Variants in TOP3A observed in about 807,000 individuals in gnomAD.
The protein encoded by TOP3A is DNA topoisomerase III alpha.
A neutral mutation model predicts 111.3 loss-of-function variants in TOP3A; 64 were observed. The observed-to-expected ratio is 0.57, with a 90% CI of 0.47 to 0.71. TOP3A has a LOEUF of 0.71. Ranked by LOEUF, TOP3A falls within the 30% of genes least tolerant of loss-of-function variation. The pLI, the probability that TOP3A is intolerant of heterozygous loss-of-function variation, is 0.00. For missense variants in TOP3A, 1,104 were observed against 1,285.0 expected (o/e 0.86, Z 2.15); for synonymous variants, 484 against 485.1 (o/e 1.00, Z 0.03).
Position 18,314,786 on chromosome 17 carries a change from C to T in TOP3A, c.-8G>A. On this transcript the variant is annotated 5_prime_UTR_variant, in exon 1 of 19. Coordinates refer to ENST00000321105, the MANE Select transcript of TOP3A (RefSeq NM_004618.5). ...GGCGACAGGAAAGATCATCCTCAGA[C>T]CTCGCGCCCGGAGCCGCTCCCCGGC... 1 of 1,511,476 alleles carries T rather than the reference C, an allele frequency of 6.6e-7. No individual in the cohort carries two copies. Among genetic ancestry groups the T allele is most frequent in the Non-Finnish European group, 8.9e-7 (1 of 1,125,082 alleles). The allele number at this position is 1,511,476 out of a possible 1,614,324, so 93.6% of individuals were successfully genotyped here.
chr17:18,286,186 T>G (rs1980083462), intron 13 of TOP3A, among the ~76,000 whole-genome samples: 2 of 129,420 alleles, frequency 1.5e-5, no homozygotes, highest in Non-Finnish European at 3.2e-5. Flanking sequence ...GGTGATGGAG[T>G]GAGACTCTCT....
intron 8 of TOP3A, among the ~76,000 whole-genome samples, chr17:18,301,531 A>G (rs1981227539): frequency 6.6e-6 from 1 of 152,206 alleles, no homozygotes; most frequent in South Asian, 2.1e-4. Context: ...TGTGACCAAT[A>G]AAGAGGGGGC....
chr17:18,290,798 C>A, intron 12 of TOP3A, 44 bp downstream of exon 12: 3 of 1,604,672 alleles, frequency 1.9e-6, no homozygotes. Context: ...TCAGGGCTCA[C>A]AACACAACTG....
intron 3 of TOP3A, among the ~76,000 whole-genome samples, chr17:18,307,948 C>A (rs1358836460): frequency 2.1e-5 from 3 of 145,498 alleles, no homozygotes; most frequent in African/African-American, 7.7e-5. Context: ...TGGTGGCTCA[C>A]GGTCTGTAAT....
At chr17:18,306,160 C>G (rs1981566894) in intron 4 of TOP3A, among the ~76,000 whole-genome samples, 1 of 152,024 alleles carries the variant, frequency 6.6e-6, no homozygotes, top group African/African-American at 2.4e-5. Context: ...GAGATTGCAC[C>G]ATCATACTCC....
chr17:18,299,637 GA>G lies in TOP3A; in HGVS notation c.916-5del. The stretch of plus-strand genomic sequence containing the variant: ...CTACCACAGTTGCCATGGGATCCTA[GA>G]AAGCCAGGAAAGAAAAGACCATGTT... On this transcript the variant is annotated splice_region_variant and splice_polypyrimidine_tract_variant and intron_variant, in intron 8 of 18. Transcript: ENST00000321105. 1.2e-6 allele frequency: 2 copies of G among 1,613,714 alleles called. No homozygotes were observed. The highest frequency in any genetic ancestry group is 1.7e-6 in the Non-Finnish European group (2 of 1,179,676).
chr17:18,288,484 G>C (rs1037157021), intron 13 of TOP3A, among the ~76,000 whole-genome samples: 4 of 151,990 alleles, frequency 2.6e-5, no homozygotes, highest in Non-Finnish European at 5.9e-5. Flanking sequence ...TTTTTTGTAA[G>C]TGTACCTCTA....
chr17:18,275,436 T>G (rs1979291809), intron 18 of TOP3A, among the ~76,000 whole-genome samples: 1 of 140,768 alleles, frequency 7.1e-6, no homozygotes, highest in Non-Finnish European at 1.5e-5. Context: ...CTCCACTCAC[T>G]GCAAGCTCCA....
intron 17 of TOP3A, 23 bp downstream of exon 17, chr17:18,280,513 C>T (rs752299917): frequency 2.5e-6 from 4 of 1,611,174 alleles, no homozygotes; most frequent in Non-Finnish European, 1.7e-6. Flanking sequence ...AGAGGAGGCA[C>T]CTGACTCAGG....
chr17:18,296,601 C>T (rs1319589695), intron 9 of TOP3A, among the ~76,000 whole-genome samples: 2 of 152,046 alleles, frequency 1.3e-5, no homozygotes, highest in Admixed American at 6.6e-5. Flanking sequence ...AACAAACAAA[C>T]AAAATGCATA....
intron 13 of TOP3A, among the ~76,000 whole-genome samples, chr17:18,287,307 G>A (rs956494648): frequency 1.3e-5 from 2 of 152,050 alleles, no homozygotes; most frequent in African/African-American, 4.8e-5. Context: ...ACCGAGGCGG[G>A]TGGATCATTT....
At chr17:18,285,618 C>T in intron 13 of TOP3A, 98 bp from the exon 14 acceptor site, 2 of 954,334 alleles carry the variant, frequency 2.1e-6, no homozygotes, top group Non-Finnish European at 3.2e-6. Context: ...CCTCCTTTGC[C>T]TGGACAGCCT....
intron 9 of TOP3A, among the ~76,000 whole-genome samples, chr17:18,299,309 T>C (rs1981071429): frequency 6.6e-6 from 1 of 152,160 alleles, no homozygotes; most frequent in African/African-American, 2.4e-5. Flanking sequence ...TACATGACTA[T>C]AGTCCCAGCT....
intron 11 of TOP3A, among the ~76,000 whole-genome samples, chr17:18,291,562 T>C (rs780271520): frequency 6.6e-6 from 1 of 152,232 alleles, no homozygotes; most frequent in Admixed American, 6.5e-5. Context: ...AATATTTATG[T>C]CTACAAATGT....
chr17:18,303,851 T>C (rs1981390930), intron 5 of TOP3A, among the ~76,000 whole-genome samples: 3 of 152,136 alleles, frequency 2.0e-5, no homozygotes, highest in South Asian at 4.1e-4. Context: ...TTCTTCCCCT[T>C]TACTTTGTGT....
At position 18,272,075 on chromosome 17, in the gene TOP3A, T is replaced by A. The variant is rs531070679; in HGVS notation, c.*2727A>T. Among the ~76,000 whole-genome samples, 257 of 150,978 alleles carry A rather than the reference T, an allele frequency of 1.7e-3. No homozygotes were observed. The highest frequency in any genetic ancestry group is 3.3e-3 in the Non-Finnish European group (220 of 67,660). ...AGCGAAACTCCATCTCAAAAAAAAA[T>A]AAAAAATAAAAAATAAAAAATGGGT... On this transcript the variant is annotated 3_prime_UTR_variant, in exon 19 of 19. Coordinates refer to ENST00000321105, the MANE Select transcript of TOP3A (RefSeq NM_004618.5).
chr17:18,274,579 G>T lies in TOP3A; in HGVS notation c.*223C>A. The T allele has an allele frequency of 1.6e-6, 1 of 615,446 alleles. No homozygotes were observed. Among genetic ancestry groups the T allele is most frequent in the Non-Finnish European group, 2.5e-6 (1 of 402,196 alleles). The allele number at this position is 615,446 out of a possible 1,614,324, so 38.1% of individuals were successfully genotyped here. ...GCGTGACTTTTCAGCAGTGGCTATG[G>T]TCACTCCTGAGGCCTGGGAAGAGGG... is the stretch of plus-strand genomic sequence containing the variant. On this transcript the variant is annotated 3_prime_UTR_variant, in exon 19 of 19. Coordinates refer to ENST00000321105, the MANE Select transcript of TOP3A (RefSeq NM_004618.5).
chr17:18,313,405 G>A (rs1437829983), intron 1 of TOP3A: 1 of 152,858 alleles, frequency 6.5e-6, no homozygotes, highest in Non-Finnish European at 1.5e-5. Context: ...GATCAAAAAA[G>A]AAGCAAGTCA....
rs775361952 is a variant in TOP3A at position 18,277,754 on chromosome 17, C to A, written c.2748G>T (p.Gly916=). 5 of 1,614,208 alleles carry A rather than the reference C, an allele frequency of 3.1e-6. No individual in the cohort carries two copies. The African/African-American group carries it at 6.7e-5, about 22-fold the overall frequency. ...RTVQKDGPNK[G]RQFHTCAKPR... is the part of the protein sequence containing the mutation. ...GCTTGGCACATGTGTGGAACTGGCG[C>A]CCCTTGTTGGGTCCATCCTTCTGCA... Residue 916 remains glycine (G), a synonymous_variant, in exon 18 of 19, where the codon GGG becomes GGT. Transcript: ENST00000321105.
Sources: allele counts gnomAD v4.1 joint callset (sites outside exome capture counted in the v4.1 genomes callset), GRCh38; gene constraint gnomAD v4.1.1; transcripts MANE v1.5; gene names NCBI Gene and HGNC (gene_info 2026-07-23, HGNC 2026-07-21).